The following PRKAR1A variants were observed in gnomAD, a reference collection of about 807,000 sequenced individuals.
The protein encoded by PRKAR1A is protein kinase cAMP-dependent type I regulatory subunit alpha, also known as cAMP-dependent protein kinase type I-alpha regulatory subunit.
PRKAR1A carries 3 observed loss-of-function variants against 52.0 expected under a neutral mutation model. That is an observed-to-expected ratio of 0.06 (90% CI 0.03 to 0.15). The LOEUF (loss-of-function observed/expected upper bound fraction) is 0.15, where lower values mean the gene tolerates loss of function less well. Among genes scored for constraint, PRKAR1A ranks in the 10% least tolerant of loss-of-function variants. PRKAR1A has a pLI of 1.00. For missense variants in PRKAR1A, 240 were observed against 477.4 expected (o/e 0.50, Z 4.63); for synonymous variants, 188 against 168.4 (o/e 1.12, Z -0.90).
chr17:68,532,125 A>AT lies in PRKAR1A; in HGVS notation c.*1682dup. 2 of 1,062,378 alleles carry AT rather than the reference A, an allele frequency of 1.9e-6. No homozygotes were observed. Among genetic ancestry groups the AT allele is most frequent in the Non-Finnish European group, 2.3e-6 (2 of 876,438 alleles). The allele number at this position is 1,062,378 out of a possible 1,614,324, so 65.8% of individuals were successfully genotyped here. A position where few individuals can be genotyped will look rare whatever the true frequency, so the allele number is the denominator to read the frequency against. ...GGGTAAGAAAGCCACCTTGTTACAAATTTTTTAATTTCCAAAATAATCTAT... is the reference window on the plus strand; with the variant it reads ...GGGTAAGAAAGCCACCTTGTTACAAATTTTTTTAATTTCCAAAATAATCTAT... On this transcript the variant is annotated 3_prime_UTR_variant, in exon 11 of 11. Coordinates refer to ENST00000589228, the MANE Select transcript of PRKAR1A (RefSeq NM_002734.5).
intron 11 of PRKAR1A, chr17:68,541,564 C>T: frequency 5.1e-6 from 1 of 196,084 alleles, no homozygotes; most frequent in Non-Finnish European, 1.1e-5. Context: ...GTGCTAGGTC[C>T]TGGGGATACA....
chr17:68,536,509 A>G (rs1460314142), downstream of PRKAR1A: 2 of 454,082 alleles, frequency 4.4e-6, no homozygotes, highest in South Asian at 1.6e-5. Context: ...AACCTGACTT[A>G]GTCTTTTTTG....
At chr17:68,539,398 TAGG>T in intron 11 of PRKAR1A, 1 of 1,614,142 alleles carries the variant, frequency 6.2e-7, no homozygotes, top group South Asian at 1.1e-5. Context: ...CGTCCGAACC[TAGG>T]AGGAGAAACA....
the PRKAR1A span, among the ~76,000 whole-genome samples, chr17:68,487,945 A>T: frequency 3.6e-4 from 53 of 148,346 alleles, no homozygotes; most frequent in South Asian, 4.4e-3. Flanking sequence ...AAAAATAAAT[A>T]AAAAAAATGC....
intron 4 of PRKAR1A, 96 bp from the exon 5 acceptor site, chr17:68,523,920 C>G: frequency 6.3e-7 from 1 of 1,577,708 alleles, no homozygotes; most frequent in Non-Finnish European, 8.7e-7. Flanking sequence ...AATTGTTCAC[C>G]AGATGACAGT....
chr17:68,539,291 G>A (rs2086189380), intron 11 of PRKAR1A: 3 of 1,602,040 alleles, frequency 1.9e-6, no homozygotes, highest in African/African-American at 2.7e-5. Context: ...AGCATGAAGG[G>A]TCACAACTGT....
chr17:68,427,132 CA>C, the PRKAR1A span: 1 of 1,613,418 alleles, frequency 6.2e-7, no homozygotes, highest in Non-Finnish European at 8.5e-7. Flanking sequence ...CGTGTCCACC[CA>C]CCTGGCACCG....
chr17:68,490,564 T>C, the PRKAR1A span, among the ~76,000 whole-genome samples: 1 of 152,188 alleles, frequency 6.6e-6, no homozygotes, highest in Non-Finnish European at 1.5e-5. Context: ...AGTTCATTTT[T>C]AGGCCAAGCA....
At chr17:68,493,465 C>T in the PRKAR1A span, among the ~76,000 whole-genome samples, 12 of 152,162 alleles carry the variant, frequency 7.9e-5, no homozygotes, top group South Asian at 2.1e-4. Context: ...TGATTCCCCC[C>T]GCACGTGTTC....
At chr17:68,423,573 A>C in the PRKAR1A span, among the ~76,000 whole-genome samples, 28 of 152,200 alleles carry the variant, frequency 1.8e-4, no homozygotes, top group Admixed American at 7.2e-4. The surrounding 1 kb of genome is among the most constrained non-coding windows in gnomAD (Gnocchi z 4.4). Flanking sequence ...TTTCTTGCGT[A>C]TAAATAAGAA....
chr17:68,418,196 G>A, the PRKAR1A span, among the ~76,000 whole-genome samples: 7 of 152,270 alleles, frequency 4.6e-5, no homozygotes, highest in South Asian at 6.2e-4. Context: ...TCTGATTTCT[G>A]TTACCTGAGA....
At chr17:68,447,522 C>T in the PRKAR1A span, among the ~76,000 whole-genome samples, 13 of 152,210 alleles carry the variant, frequency 8.5e-5, no homozygotes, top group South Asian at 2.1e-4. Flanking sequence ...GCTAGGCCTA[C>T]GGGCAAGTGC....
the PRKAR1A span, among the ~76,000 whole-genome samples, chr17:68,496,299 C>A: frequency 5.3e-5 from 8 of 151,626 alleles, no homozygotes; most frequent in Non-Finnish European, 1.2e-4. Context: ...CCCTTGGCCT[C>A]CCAAAGTGCT....
the PRKAR1A span, chr17:68,427,031 C>T: frequency 1.1e-6 from 1 of 944,538 alleles, no homozygotes; most frequent in Non-Finnish European, 1.6e-6. Context: ...GAGGGCACTC[C>T]ACCCCCAGGT....
At chr17:68,433,575 C>G in the PRKAR1A span, 4 of 1,613,140 alleles carry the variant, frequency 2.5e-6, no homozygotes, top group Non-Finnish European at 3.4e-6. Flanking sequence ...TTGTCACATA[C>G]CTACAAGCAC....
chr17:68,527,980 C>T (rs2085844324), intron 8 of PRKAR1A, 80 bp downstream of exon 8: 2 of 1,273,640 alleles, frequency 1.6e-6, no homozygotes, highest in Non-Finnish European at 2.3e-6. Context: ...GAAAAGCCTT[C>T]TGAAAGTATA....
the PRKAR1A span, among the ~76,000 whole-genome samples, chr17:68,450,322 A>C: frequency 9.2e-5 from 14 of 152,246 alleles, no homozygotes; most frequent in Non-Finnish European, 1.9e-4. Flanking sequence ...TCTCCTGCTC[A>C]GTGGTATTGC....
the PRKAR1A span, among the ~76,000 whole-genome samples, chr17:68,459,251 C>A: frequency 4.4e-3 from 663 of 152,336 alleles, 7 homozygotes; most frequent in African/African-American, 0.015. Flanking sequence ...CCCCCACCTT[C>A]CAGCTCTGTC....
At chr17:68,520,074 T>A (rs987294442) in intron 2 of PRKAR1A, among the ~76,000 whole-genome samples, 1 of 152,176 alleles carries the variant, frequency 6.6e-6, no homozygotes, top group African/African-American at 2.4e-5. Flanking sequence ...ACACCACATA[T>A]CTTGTTCTGG....
Sources: allele counts gnomAD v4.1 joint callset (sites outside exome capture counted in the v4.1 genomes callset), GRCh38; gene constraint gnomAD v4.1.1; non-coding constraint Gnocchi (gnomAD v3.1); transcripts MANE v1.5; gene names NCBI Gene and HGNC (gene_info 2026-07-23, HGNC 2026-07-21).